The following CNTNAP5 variants were observed in gnomAD, a reference collection of about 807,000 sequenced individuals.
CNTNAP5 encodes contactin associated protein family member 5.
Under a neutral mutation model 150.2 loss-of-function variants are expected in CNTNAP5, and 72 were observed. The observed-to-expected ratio is 0.48, with a 90% CI of 0.40 to 0.58. The LOEUF is 0.58. Among genes scored for constraint, CNTNAP5 ranks in the 20% least tolerant of loss-of-function variants. CNTNAP5 has a pLI of 0.00. For synonymous variants in CNTNAP5, 672 were observed against 619.8 expected, an observed-to-expected ratio of 1.08 and a Z score of -1.25; for missense variants, 1,636 against 1,626.2, an observed-to-expected ratio of 1.01 and a Z score of -0.10.
chr2:124,647,996 G>T (rs746181891), intron 13 of CNTNAP5, 38 bp downstream of exon 13: 1 of 1,543,508 alleles, frequency 6.5e-7, no homozygotes, highest in Non-Finnish European at 8.8e-7. Context: ...TGGGATAGAT[G>T]GGACCCTCAG....
At chr2:124,585,669 CTTT>C (rs33978614) in intron 11 of CNTNAP5, among the ~76,000 whole-genome samples, 7 of 66,398 alleles carry the variant, frequency 1.1e-4, no homozygotes, top group Non-Finnish European at 1.6e-4. Context: ...GAGCTTGAAG[CTTT>C]TTTTTTTTTT....
intron 21 of CNTNAP5, among the ~76,000 whole-genome samples, chr2:124,871,776 C>T (rs1345959957): frequency 6.6e-6 from 1 of 152,000 alleles, no homozygotes; most frequent in African/African-American, 2.4e-5. Flanking sequence ...CACGTATCTG[C>T]TTGTAGATTT....
intron 10 of CNTNAP5, among the ~76,000 whole-genome samples, chr2:124,557,462 A>G (rs897193181): frequency 1.5e-4 from 23 of 152,208 alleles, no homozygotes; most frequent in African/African-American, 5.3e-4. Flanking sequence ...GAAGAGGCTT[A>G]GCTAACAGAG....
chr2:124,838,781 C>T (rs763991070), intron 19 of CNTNAP5, among the ~76,000 whole-genome samples: 1 of 152,148 alleles, frequency 6.6e-6, no homozygotes, highest in Non-Finnish European at 1.5e-5. Context: ...GATTCTTCCC[C>T]TGTTGTGAAA....
At chr2:124,672,697 G>A (rs1004377818) in intron 13 of CNTNAP5, among the ~76,000 whole-genome samples, 5 of 152,110 alleles carry the variant, frequency 3.3e-5, no homozygotes, top group East Asian at 3.9e-4. Flanking sequence ...GGGAACACAC[G>A]GAAAATTTCC....
chr2:124,171,358 GT>G (rs1159407370), intron 1 of CNTNAP5, among the ~76,000 whole-genome samples: 1 of 152,148 alleles, frequency 6.6e-6, no homozygotes, highest in East Asian at 1.9e-4. Flanking sequence ...CCCTTGCCTC[GT>G]TTTTGATCAC....
intron 1 of CNTNAP5, among the ~76,000 whole-genome samples, chr2:124,091,401 T>C (rs974392448): frequency 6.6e-6 from 1 of 152,066 alleles, no homozygotes; most frequent in Admixed American, 6.6e-5. Flanking sequence ...AGAAATGACT[T>C]GCAAAATTCA....
chr2:124,807,134 A>C (rs1244037792), intron 19 of CNTNAP5, among the ~76,000 whole-genome samples: 1 of 152,144 alleles, frequency 6.6e-6, no homozygotes, highest in Non-Finnish European at 1.5e-5. Context: ...GAAAGGCCTG[A>C]GCTCAGGGCT....
intron 17 of CNTNAP5, among the ~76,000 whole-genome samples, chr2:124,789,603 C>A (rs571956875): frequency 1.3e-5 from 2 of 152,068 alleles, no homozygotes; most frequent in African/African-American, 2.4e-5. Context: ...CCCCTCTTTG[C>A]GTCCAAGTGT....
chr2:124,528,388 T>A (rs1695025098), intron 10 of CNTNAP5, among the ~76,000 whole-genome samples: 1 of 152,034 alleles, frequency 6.6e-6, no homozygotes, highest in Non-Finnish European at 1.5e-5. Context: ...TGATGCTGAG[T>A]TGAATCTTAA....
At chr2:124,816,878 T>A (rs1411068436) in intron 19 of CNTNAP5, among the ~76,000 whole-genome samples, 1 of 152,186 alleles carries the variant, frequency 6.6e-6, no homozygotes, top group Non-Finnish European at 1.5e-5. Context: ...ACTTTTGCAA[T>A]GTAATGTAAC....
intron 3 of CNTNAP5, among the ~76,000 whole-genome samples, chr2:124,407,891 G>A (rs961187096): frequency 8.6e-5 from 13 of 152,014 alleles, no homozygotes; most frequent in Non-Finnish European, 1.8e-4. Flanking sequence ...CAAGATGGCC[G>A]AATAGGAACA....
In CNTNAP5 at chr2:124,912,404, G is replaced by T. The variant is rs557279396; in HGVS notation, c.3727+866G>T. Among the ~76,000 whole-genome samples, 11 of 152,152 alleles carry T rather than the reference G, an allele frequency of 7.2e-5. No individual in the cohort carries two copies. The South Asian group carries it at 2.3e-3, about 32-fold the overall frequency. On this transcript the variant is annotated intron_variant, in intron 23 of 23. Coordinates refer to ENST00000682447, the MANE Select transcript of CNTNAP5 (RefSeq NM_001367498.1). The stretch of plus-strand genomic sequence containing the variant: ...GGGTCAGGCTCTGTGCTAAGTAGAG[G>T]AATATGGGGATGAATGAGCCAGCGA...
chr2:124,710,047 T>C (rs1171106408), intron 13 of CNTNAP5, among the ~76,000 whole-genome samples: 1 of 152,092 alleles, frequency 6.6e-6, no homozygotes, highest in Non-Finnish European at 1.5e-5. Context: ...CTTTTTGCCA[T>C]CTGTAGTGAC....
At chr2:124,491,137 A>G (rs1694014145) in intron 7 of CNTNAP5, among the ~76,000 whole-genome samples, 2 of 152,170 alleles carry the variant, frequency 1.3e-5, no homozygotes, top group Admixed American at 6.5e-5. Flanking sequence ...ATCATCGTCT[A>G]TGCTGTAAAT....
intron 19 of CNTNAP5, among the ~76,000 whole-genome samples, chr2:124,858,492 A>G (rs2104711835): frequency 6.6e-6 from 1 of 152,362 alleles, no homozygotes; most frequent in Middle Eastern, 3.4e-3. Context: ...AATCCAACTT[A>G]TAAGGGATGT....
At chr2:124,710,904 T>C (rs957280356) in intron 13 of CNTNAP5, among the ~76,000 whole-genome samples, 1 of 152,218 alleles carries the variant, frequency 6.6e-6, no homozygotes, top group Non-Finnish European at 1.5e-5. Flanking sequence ...GCCATTACTG[T>C]GCATTCATGT....
intron 13 of CNTNAP5, among the ~76,000 whole-genome samples, chr2:124,711,155 C>T (rs1337250726): frequency 6.6e-6 from 1 of 151,984 alleles, no homozygotes; most frequent in Non-Finnish European, 1.5e-5. Context: ...CCTGTAATCC[C>T]AGCTATTCGG....
At position 124,591,890 on chromosome 2, in the gene CNTNAP5, A is replaced by G. The variant is rs556638573; in HGVS notation, c.1757-17911A>G. On this transcript the variant is annotated intron_variant, in intron 11 of 23. Coordinates refer to ENST00000682447, the MANE Select transcript of CNTNAP5 (RefSeq NM_001367498.1). The stretch of plus-strand genomic sequence containing the variant: ...TCTTCCTTTCCATTCTCTATACATA[A>G]CCTTTATAAAAATGCTGTTTTCTTA... Among the ~76,000 whole-genome samples the G allele has an allele frequency of 2.0e-5, 3 of 152,232 alleles. No individual in the cohort carries two copies. In the South Asian group the frequency reaches 6.2e-4, roughly 32 times the overall value.
Sources: allele counts gnomAD v4.1 joint callset (sites outside exome capture counted in the v4.1 genomes callset), GRCh38; gene constraint gnomAD v4.1.1; transcripts MANE v1.5; gene names NCBI Gene and HGNC (gene_info 2026-07-23, HGNC 2026-07-21).